The following RPH3AL variants were observed in gnomAD, a reference collection of about 807,000 sequenced individuals.
RPH3AL encodes rabphilin 3A like (without C2 domains).
Under a neutral mutation model 43.1 loss-of-function variants are expected in RPH3AL, and 38 were observed. The observed-to-expected ratio is 0.88, with a 90% CI of 0.68 to 1.15. The LOEUF (loss-of-function observed/expected upper bound fraction) is 1.15. Among genes scored for constraint, RPH3AL ranks in the 50% most tolerant of loss-of-function variants. The pLI, the probability that RPH3AL is intolerant of heterozygous loss-of-function variation, is 0.00. For synonymous variants in RPH3AL, 189 were observed against 176.3 expected (o/e 1.07, Z -0.57); for missense variants, 462 against 423.2 (o/e 1.09, Z -0.81).
Position 315,743 on chromosome 17 carries a change from T to A in RPH3AL, c.351+3677A>T, listed in dbSNP as rs1442453286. ...CACCTCTATTGACCCGTAGTCTCTG[T>A]GCTCCACATCCATTGACCTTTAGTC... On this transcript the variant is annotated intron_variant, in intron 5 of 9. Coordinates refer to ENST00000331302, the MANE Select transcript of RPH3AL (RefSeq NM_006987.4). 2.5e-3 allele frequency among the ~76,000 whole-genome samples: 372 copies of A among 147,430 alleles called. 41 individuals are homozygous for A. The highest frequency in any genetic ancestry group is 3.9e-3 in the Middle Eastern group (1 of 256).
intron 6 of RPH3AL, among the ~76,000 whole-genome samples, chr17:258,759 T>TG (rs1246876073): frequency 7.8e-6 from 1 of 128,180 alleles, no homozygotes; most frequent in African/African-American, 3.1e-5. Flanking sequence ...GTCAACCCGT[T>TG]TTTTTTTTTT....
chr17:337,340 A>G (rs1204920343), intron 1 of RPH3AL, among the ~76,000 whole-genome samples: 1 of 152,020 alleles, frequency 6.6e-6, no homozygotes, highest in African/African-American at 2.4e-5. Flanking sequence ...GGCTCAAATG[A>G]TCCTCCTGCC....
intron 5 of RPH3AL, among the ~76,000 whole-genome samples, chr17:318,113 T>C (rs113232404): frequency 1.1e-4 from 16 of 152,336 alleles, no homozygotes; most frequent in African/African-American, 3.8e-4. Context: ...CCAGGCACGG[T>C]GGCTCACGCC....
At chr17:232,438 T>C (rs117144124) in intron 7 of RPH3AL, among the ~76,000 whole-genome samples, 5,935 of 152,268 alleles carry the variant, frequency 0.039, 166 homozygotes, top group South Asian at 0.076. Context: ...CCCATCCCTT[T>C]TACCTGCACA....
At chr17:249,762 G>A (rs2041843681) in intron 6 of RPH3AL, among the ~76,000 whole-genome samples, 1 of 151,888 alleles carries the variant, frequency 6.6e-6, no homozygotes, top group Non-Finnish European at 1.5e-5. Context: ...ACGTCTCAGA[G>A]CCTTTACTAA....
chr17:305,003 ACAGGGCGAGAG>A (rs1555566895), intron 5 of RPH3AL, among the ~76,000 whole-genome samples: 1 of 39,602 alleles, frequency 2.5e-5, no homozygotes, highest in East Asian at 5.9e-4. Flanking sequence ...GCGAGAGGGG[ACAGGGCGAGAG>A]GGGGACAGGG....
chr17:253,411 G>A (rs1453222319), intron 6 of RPH3AL, among the ~76,000 whole-genome samples: 1 of 152,194 alleles, frequency 6.6e-6, no homozygotes, highest in African/African-American at 2.4e-5. Flanking sequence ...AACCTCATCT[G>A]TGCCAGTGAG....
intron 6 of RPH3AL, among the ~76,000 whole-genome samples, chr17:267,025 G>A (rs2042341364): frequency 6.6e-6 from 1 of 152,162 alleles, no homozygotes; most frequent in Admixed American, 6.5e-5. Context: ...GTGCCCCGTG[G>A]GCACCCCATG....
intron 9 of RPH3AL, among the ~76,000 whole-genome samples, 161 bp from the exon 10 acceptor site, chr17:214,084 C>A (rs1206395542): frequency 6.6e-6 from 1 of 152,212 alleles, no homozygotes; most frequent in Non-Finnish European, 1.5e-5. Context: ...ACCAGCACCG[C>A]TCTGCTCTGC....
At chr17:292,354 C>T (rs899107975) in intron 5 of RPH3AL, among the ~76,000 whole-genome samples, 7 of 152,168 alleles carry the variant, frequency 4.6e-5, no homozygotes, top group African/African-American at 1.2e-4. Flanking sequence ...TGACTTTAAA[C>T]GTATAGACAG....
At chr17:332,038 G>T (rs561861766) in intron 2 of RPH3AL, 14 of 425,086 alleles carry the variant, frequency 3.3e-5, no homozygotes, top group Non-Finnish European at 4.7e-5. Context: ...TGGAGCTCTG[G>T]GGGGAGCAGA....
chr17:316,574 C>A (rs1342103215), intron 5 of RPH3AL, among the ~76,000 whole-genome samples: 624 of 96,550 alleles, frequency 6.5e-3, no homozygotes, highest in Admixed American at 0.011. Context: ...CTGTGCCCCA[C>A]CTCCATTGAC....
intron 6 of RPH3AL, among the ~76,000 whole-genome samples, chr17:256,295 A>G (rs2042051077): frequency 1.8e-5 from 1 of 55,182 alleles, no homozygotes; most frequent in African/African-American, 4.5e-5. Flanking sequence ...GAACGTGACT[A>G]CCCTACGTAC....
intron 7 of RPH3AL, among the ~76,000 whole-genome samples, chr17:222,370 G>A (rs35292180): frequency 0.18 from 26,878 of 152,200 alleles, 3,211 homozygotes; most frequent in Non-Finnish European, 0.26. Context: ...TGAACTGGAA[G>A]CCAGCAGGCC....
chr17:253,437 C>A (rs976203215), intron 6 of RPH3AL, among the ~76,000 whole-genome samples: 1 of 152,190 alleles, frequency 6.6e-6, no homozygotes, highest in Non-Finnish European at 1.5e-5. Flanking sequence ...AGCTCATGGA[C>A]TTCCGAGCTG....
intron 1 of RPH3AL, among the ~76,000 whole-genome samples, chr17:351,144 G>A (rs1035055069): frequency 2.0e-5 from 3 of 152,252 alleles, no homozygotes; most frequent in South Asian, 2.1e-4. Context: ...TCTCTCCAAC[G>A]TCTCTAGGCT....
At chr17:269,343 C>T (rs559021451) in intron 6 of RPH3AL, among the ~76,000 whole-genome samples, 40 of 152,248 alleles carry the variant, frequency 2.6e-4, no homozygotes, top group African/African-American at 9.6e-4. Flanking sequence ...GTGTATGATA[C>T]GATTTGCTTA....
At chr17:313,621 C>A (rs1184241383) in intron 5 of RPH3AL, among the ~76,000 whole-genome samples, 2 of 152,180 alleles carry the variant, frequency 1.3e-5, no homozygotes, top group African/African-American at 4.8e-5. Flanking sequence ...TCAACAGAGT[C>A]CTCGGTGTAC....
intron 5 of RPH3AL, among the ~76,000 whole-genome samples, chr17:317,072 G>A (rs796121165): frequency 7.6e-6 from 1 of 131,172 alleles, no homozygotes; most frequent in Non-Finnish European, 1.7e-5. Context: ...CCACTGACCT[G>A]TAGTCTCTGT....
Sources: allele counts gnomAD v4.1 joint callset (sites outside exome capture counted in the v4.1 genomes callset), GRCh38; gene constraint gnomAD v4.1.1; transcripts MANE v1.5; gene names NCBI Gene and HGNC (gene_info 2026-07-23, HGNC 2026-07-21).